FREM3: variants seen among roughly 807,000 people sequenced by gnomAD.
FREM3 encodes the protein FRAS1-related extracellular matrix protein 3.
FREM3 carries 105 observed loss-of-function variants against 129.1 expected under a neutral mutation model. The observed-to-expected ratio is 0.81, with a 90% CI of 0.69 to 0.96. The LOEUF (loss-of-function observed/expected upper bound fraction) is 0.96, where lower values mean the gene tolerates loss of function less well. FREM3 is among the 40% of genes least tolerant of loss of function. FREM3 has a pLI of 0.00. For missense variants in FREM3, 2,593 were observed against 2,666.3 expected (o/e 0.97, Z 0.61); for synonymous variants, 1,014 against 1,044.9 (o/e 0.97, Z 0.57).
intron 2 of FREM3, among the ~76,000 whole-genome samples, chr4:143,664,500 G>A (rs1236872331): frequency 1.3e-5 from 2 of 152,142 alleles, no homozygotes; most frequent in African/African-American, 2.4e-5. Flanking sequence ...CCCCTACTGG[G>A]GGATGCCTCC....
At chr4:143,659,347 G>GT (rs1739660439) in intron 2 of FREM3, among the ~76,000 whole-genome samples, 1 of 151,786 alleles carries the variant, frequency 6.6e-6, no homozygotes, top group Non-Finnish European at 1.5e-5. Flanking sequence ...GCGGTGTTTG[G>GT]TTTTTTGTCC....
chr4:143,662,156 T>C (rs1218144775), intron 2 of FREM3, among the ~76,000 whole-genome samples: 1 of 152,154 alleles, frequency 6.6e-6, no homozygotes, highest in African/African-American at 2.4e-5. Context: ...TGCTCTTGCT[T>C]TTCTAGTTCT....
intron 6 of FREM3, among the ~76,000 whole-genome samples, chr4:143,595,665 A>G (rs1034868330): frequency 6.6e-6 from 1 of 152,088 alleles, no homozygotes; most frequent in Non-Finnish European, 1.5e-5. Context: ...AGGTGGGCGG[A>G]TCACGAGGTC....
intron 2 of FREM3, among the ~76,000 whole-genome samples, chr4:143,671,860 C>G (rs1223823909): frequency 6.6e-6 from 1 of 152,142 alleles, no homozygotes; most frequent in Non-Finnish European, 1.5e-5. Context: ...CTACATCACA[C>G]GAAATAAACG....
intron 2 of FREM3, among the ~76,000 whole-genome samples, chr4:143,628,861 A>T (rs1739091727): frequency 6.6e-6 from 1 of 152,142 alleles, no homozygotes; most frequent in South Asian, 2.1e-4. Context: ...TTTCCAAAAA[A>T]GATTGGCAGG....
chr4:143,665,925 A>C (rs1385754320), intron 2 of FREM3, among the ~76,000 whole-genome samples: 1 of 152,112 alleles, frequency 6.6e-6, no homozygotes, highest in African/African-American at 2.4e-5. Context: ...TTATTGTTAA[A>C]GATATTTCTT....
intron 2 of FREM3, among the ~76,000 whole-genome samples, chr4:143,673,886 C>T (rs936852861): frequency 6.6e-5 from 10 of 152,232 alleles, no homozygotes; most frequent in African/African-American, 1.7e-4. Context: ...TGGGACCCTC[C>T]GAGCCATGCG....
rs184035751 is a variant in FREM3 at position 143,677,925 on chromosome 4, C to T, written c.5275+15188G>A. ...GAGAGGATGTGGAGAAATAGGAACACTTTTCCACTGTTGGTGGGACTGTAA... is the reference window on the plus strand; with the variant it reads ...GAGAGGATGTGGAGAAATAGGAACATTTTTCCACTGTTGGTGGGACTGTAA... On this transcript the variant is annotated intron_variant, in intron 2 of 7. Coordinates refer to ENST00000329798, the MANE Select transcript of FREM3 (RefSeq NM_001168235.2). Among the ~76,000 whole-genome samples, 705 of 152,312 alleles carry T rather than the reference C, an allele frequency of 4.6e-3. 4 individuals are homozygous for T. Among genetic ancestry groups the T allele is most frequent in the Non-Finnish European group, 7.9e-3 (536 of 68,022 alleles).
chr4:143,670,228 T>A (rs532714622), intron 2 of FREM3, among the ~76,000 whole-genome samples: 16 of 152,286 alleles, frequency 1.1e-4, no homozygotes, highest in African/African-American at 3.4e-4. Flanking sequence ...GTTCAGTAAA[T>A]GCCGAACTTG....
intron 2 of FREM3, among the ~76,000 whole-genome samples, chr4:143,679,111 G>A (rs887732110): frequency 3.3e-5 from 5 of 152,036 alleles, no homozygotes; most frequent in African/African-American, 1.2e-4. Flanking sequence ...AATGTTGATA[G>A]CAGTCTTCTG....
At chr4:143,591,939 A>G (rs1738371249) in intron 6 of FREM3, among the ~76,000 whole-genome samples, 1 of 152,228 alleles carries the variant, frequency 6.6e-6, no homozygotes, top group African/African-American at 2.4e-5. Context: ...CTGGGTACAT[A>G]TATATTTAGG....
intron 2 of FREM3, among the ~76,000 whole-genome samples, chr4:143,636,231 A>G (rs1446919877): frequency 6.6e-6 from 1 of 151,534 alleles, no homozygotes; most frequent in Non-Finnish European, 1.5e-5. Flanking sequence ...AAAGAAAGGA[A>G]AACATATAAC....
At chr4:143,617,142 G>C (rs1350327852) in intron 5 of FREM3, among the ~76,000 whole-genome samples, 1 of 150,292 alleles carries the variant, frequency 6.7e-6, no homozygotes, top group Non-Finnish European at 1.5e-5. Context: ...AAATAATGCC[G>C]AGAAATGTCT....
At chr4:143,654,006 C>A (rs1010343817) in intron 2 of FREM3, among the ~76,000 whole-genome samples, 1 of 152,134 alleles carries the variant, frequency 6.6e-6, no homozygotes, top group African/African-American at 2.4e-5. Context: ...CTTGAACAAG[C>A]AAAACAATAT....
Position 143,685,806 on chromosome 4 carries a change from A to G in FREM3, c.5275+7307T>C, listed in dbSNP as rs181514355. 1.5e-3 allele frequency among the ~76,000 whole-genome samples: 235 copies of G among 152,180 alleles called. 1 individual carries two copies. Among genetic ancestry groups the G allele is most frequent in the African/African-American group, 5.0e-3 (209 of 41,480 alleles). ...GTTCTCACTCATAAGTGGGAGTCGAACAATGAGAACACATGGACACAGCTG... is the reference window on the plus strand; with the variant it reads ...GTTCTCACTCATAAGTGGGAGTCGAGCAATGAGAACACATGGACACAGCTG... On this transcript the variant is annotated intron_variant, in intron 2 of 7. Transcript: ENST00000329798.
rs200832923 is a variant in FREM3 at position 143,697,361 on chromosome 4, G to A, written c.3315C>T (p.Leu1105=). 1,174 of 1,537,106 alleles carry A rather than the reference G, an allele frequency of 7.6e-4. 13 individuals carry two copies. The highest frequency in any genetic ancestry group is 2.2e-4 in the Admixed American group (11 of 50,982). ...VEDVDTHQDE[L]LCTVTSQPAS... is the part of the protein sequence containing the mutation. ...CTGGCTGACTAGTCACTGTGCAGAGGAGTTCATCTTGATGAGTGTCCACAT... is the reference window on the plus strand; with the variant it reads ...CTGGCTGACTAGTCACTGTGCAGAGAAGTTCATCTTGATGAGTGTCCACAT... Residue 1105 remains leucine (L), a synonymous_variant, in exon 1 of 8, where the codon CTC becomes CTT. Coordinates refer to ENST00000329798, the MANE Select transcript of FREM3 (RefSeq NM_001168235.2).
chr4:143,665,064 G>A, intron 2 of FREM3, among the ~76,000 whole-genome samples: 1 of 152,050 alleles, frequency 6.6e-6, no homozygotes, highest in African/African-American at 2.4e-5. Context: ...GCCTCACCCT[G>A]CTTTGGCTCG....
At position 143,695,944 on chromosome 4, in the gene FREM3, G is replaced by A; in HGVS notation, c.4732C>T (p.Gln1578Ter). The A allele has an allele frequency of 6.5e-7, 1 of 1,537,800 alleles. No individual in the cohort carries two copies. The highest frequency in any genetic ancestry group is 1.2e-5 in the South Asian group (1 of 84,062). ...PDDLILFTIT[Q>*]VPMHGKILYN... is the part of the protein sequence containing the mutation. ...AAAATCTTGCCATGCATGGGGACCT[G>A]GGTGATGGTAAAGAGAATAAGGTCA... The change falls in exon 1 of 8, where the codon CAG becomes TAG. Residue 1578 changes from glutamine (Q) to a stop codon, truncating the protein, a stop_gained. Transcript: ENST00000329798. LOFTEE classifies it high-confidence loss of function.
intron 6 of FREM3, 74 bp from the exon 7 acceptor site, chr4:143,586,067 AGC>A: frequency 7.1e-7 from 1 of 1,411,696 alleles, no homozygotes; most frequent in Non-Finnish European, 9.6e-7. Context: ...GCCCTGTGTG[AGC>A]CTGGGCATTT....
Sources: gnomAD v4.1 joint callset for allele counts (sites outside exome capture counted in the v4.1 genomes callset) on GRCh38, gnomAD v4.1.1 for gene constraint, MANE v1.5 for transcripts, NCBI Gene and HGNC (gene_info 2026-07-23, HGNC 2026-07-21) for gene names.